Variants in AOAH observed in about 807,000 individuals in gnomAD.
The protein encoded by AOAH is acyloxyacyl hydrolase (neutrophil).
A neutral mutation model predicts 92.2 loss-of-function variants in AOAH; 64 were observed. The ratio of observed to expected loss-of-function variants is 0.69; its 90% confidence interval spans 0.57 to 0.86. The LOEUF is 0.86. Among genes scored for constraint, AOAH ranks in the 40% least tolerant of loss-of-function variants. The pLI is 0.00. For synonymous variants in AOAH, 263 were observed against 254.5 expected (o/e 1.03, Z -0.32); for missense variants, 656 against 694.6 (o/e 0.94, Z 0.62).
At chr7:36,598,576 T>C (rs1790309725) in intron 11 of AOAH, among the ~76,000 whole-genome samples, 1 of 152,208 alleles carries the variant, frequency 6.6e-6, no homozygotes, top group South Asian at 2.1e-4. Context: ...ATGTGAAGCA[T>C]CATGTTTAGG....
intron 4 of AOAH, among the ~76,000 whole-genome samples, chr7:36,657,731 C>G (rs533567380): frequency 6.6e-6 from 1 of 152,210 alleles, no homozygotes; most frequent in African/African-American, 2.4e-5. Context: ...CCCTTGCAGC[C>G]AGAGGCAGTC....
At chr7:36,558,248 C>T (rs564693734) in intron 13 of AOAH, among the ~76,000 whole-genome samples, 9 of 152,268 alleles carry the variant, frequency 5.9e-5, no homozygotes, top group Non-Finnish European at 1.2e-4. Context: ...GCTAGAAGTC[C>T]ACTCCAGACC....
intron 20 of AOAH, among the ~76,000 whole-genome samples, chr7:36,515,399 C>G (rs1188365739): frequency 7.6e-6 from 1 of 131,124 alleles, no homozygotes; most frequent in African/African-American, 2.9e-5. Context: ...AACCCCACAC[C>G]ACACACACAA....
At chr7:36,546,735 C>A (rs1201841660) in intron 15 of AOAH, among the ~76,000 whole-genome samples, 2 of 152,200 alleles carry the variant, frequency 1.3e-5, no homozygotes, top group Non-Finnish European at 2.9e-5. Flanking sequence ...GGAGGACATG[C>A]TCTGGGGGCT....
chr7:36,610,955 C>A (rs377030682), intron 11 of AOAH, among the ~76,000 whole-genome samples: 1 of 152,336 alleles, frequency 6.6e-6, no homozygotes, highest in African/African-American at 2.4e-5. Flanking sequence ...CAGCTGATCC[C>A]AGACCACCCC....
intron 1 of AOAH, among the ~76,000 whole-genome samples, chr7:36,699,739 G>C (rs1797923758): frequency 1.4e-5 from 2 of 147,910 alleles, no homozygotes; most frequent in Admixed American, 1.4e-4. Flanking sequence ...CTCCCATTCT[G>C]TGGGTTATGG....
In AOAH at chr7:36,699,017, A is replaced by AT. The variant is rs70977180; in HGVS notation, c.128-12224dup. On this transcript the variant is annotated intron_variant, in intron 1 of 20. Transcript: ENST00000617537. ...CTACTACTCTATCTTTATGAGATCC[A>AT]TTTTTTTTTATCCCACATGTATGAG... is the stretch of plus-strand genomic sequence containing the variant. 1.1e-3 allele frequency among the ~76,000 whole-genome samples: 161 copies of AT among 150,500 alleles called. 1 individual carries two copies. Among genetic ancestry groups the AT allele is most frequent in the East Asian group, 2.0e-3 (10 of 5,122 alleles).
At chr7:36,563,008 G>A (rs963510282) in intron 13 of AOAH, among the ~76,000 whole-genome samples, 3 of 151,654 alleles carry the variant, frequency 2.0e-5, no homozygotes, top group Non-Finnish European at 2.9e-5. Context: ...TTAGCCAGGC[G>A]TGGTGGCAGG....
At chr7:36,620,859 G>A in intron 8 of AOAH, 30 bp from the exon 9 acceptor site, 1 of 1,607,132 alleles carries the variant, frequency 6.2e-7, no homozygotes, top group Non-Finnish European at 8.5e-7. Flanking sequence ...ATTGGTCTTT[G>A]ACATATGCTT....
intron 13 of AOAH, among the ~76,000 whole-genome samples, chr7:36,559,972 T>C (rs531834100): frequency 7.2e-4 from 110 of 152,312 alleles, no homozygotes; most frequent in African/African-American, 2.6e-3. Flanking sequence ...TATCCCCACA[T>C]CATTTATTGA....
rs1792224640 is a variant in AOAH at position 36,620,823 on chromosome 7, G to A, written c.660C>T (p.Asn220=). The change falls in exon 9 of 21, where the codon AAC becomes AAT. Residue 220 remains asparagine, a synonymous_variant. Coordinates refer to ENST00000617537, the MANE Select transcript of AOAH (RefSeq NM_001637.4). The part of the protein sequence containing the change: ...DESVYPGRRP[N]NWDVHQDSNC... ...TTGAATCCTGATGGACATCCCAGTT[G>A]TTCGGCCTAAGAAAAAAACATTAAC... The A allele has an allele frequency of 6.2e-7, 1 of 1,613,832 alleles. No homozygotes were observed. The highest frequency in any genetic ancestry group is 8.5e-7 in the Non-Finnish European group (1 of 1,179,884).
At chr7:36,609,557 T>C (rs994383495) in intron 11 of AOAH, among the ~76,000 whole-genome samples, 15 of 152,246 alleles carry the variant, frequency 9.9e-5, no homozygotes, top group African/African-American at 3.1e-4. Flanking sequence ...TTTCAAGCCT[T>C]TGCACGTACT....
rs1420883750 is a variant in AOAH, at chr7:36,532,145, A to G, written c.1425+2T>C. 2 of 1,614,140 alleles carry G rather than the reference A, an allele frequency of 1.2e-6. No individual in the cohort carries two copies. The highest frequency in any genetic ancestry group is 1.7e-5 in the Admixed American group (1 of 60,016). The stretch of plus-strand genomic sequence containing the variant: ...GTATCAAAAGGCCTGTGACAGTCAT[A>G]CCTCTGAAGTGAGAGTCCGCAACGT... On this transcript the variant is annotated splice_donor_variant, in intron 18 of 20. Coordinates refer to ENST00000617537, the MANE Select transcript of AOAH (RefSeq NM_001637.4). LOFTEE classifies it high-confidence loss of function.
chr7:36,517,182 C>G lies in AOAH; in HGVS notation c.1600-3802G>C, dbSNP rs577516790. On this transcript the variant is annotated intron_variant, in intron 20 of 20. Transcript: ENST00000617537. Reference sequence around the variant, plus strand: ...TCTTTCTTTCTTTCTTTCTTTCTTTCTTTCTTTCTTTCTTTCTTTCTTTCT... The same window carrying G: ...TCTTTCTTTCTTTCTTTCTTTCTTTGTTTCTTTCTTTCTTTCTTTCTTTCT... 4.4e-3 allele frequency among the ~76,000 whole-genome samples: 263 copies of G among 59,242 alleles called. 2 individuals are homozygous for G. Among genetic ancestry groups the G allele is most frequent in the Admixed American group, 8.3e-3 (37 of 4,438 alleles). The allele number at this position is 59,242 out of a possible 152,430, so 38.9% of individuals were successfully genotyped here.
At chr7:36,691,437 C>T (rs1168484304) in intron 1 of AOAH, among the ~76,000 whole-genome samples, 1 of 152,208 alleles carries the variant, frequency 6.6e-6, no homozygotes, top group African/African-American at 2.4e-5. Flanking sequence ...CGGTGTGAAT[C>T]TCATTGCACC....
chr7:36,638,866 A>G (rs1236755819), intron 4 of AOAH, among the ~76,000 whole-genome samples: 1 of 152,176 alleles, frequency 6.6e-6, no homozygotes, highest in East Asian at 1.9e-4. Context: ...TAAAATATTG[A>G]AAGACTACTG....
chr7:36,634,524 C>T (rs1793377233), intron 5 of AOAH, among the ~76,000 whole-genome samples: 1 of 152,166 alleles, frequency 6.6e-6, no homozygotes, highest in Non-Finnish European at 1.5e-5. Context: ...ATTGCTCACT[C>T]GGGGAGCTCG....
intron 13 of AOAH, among the ~76,000 whole-genome samples, chr7:36,558,653 G>T (rs1252472875): frequency 1.3e-5 from 2 of 152,260 alleles, no homozygotes; most frequent in African/African-American, 2.4e-5. Context: ...CAGCTGCTTT[G>T]TTTACCTAAG....
chr7:36,678,581 G>GC (rs1796414376), intron 2 of AOAH, among the ~76,000 whole-genome samples: 1 of 126,050 alleles, frequency 7.9e-6, no homozygotes, highest in Non-Finnish European at 1.6e-5. Flanking sequence ...GTGTGTGTGT[G>GC]TGTGTGTGTG....
Sources: allele counts gnomAD v4.1 joint callset (sites outside exome capture counted in the v4.1 genomes callset), GRCh38; gene constraint gnomAD v4.1.1; transcripts MANE v1.5; gene names NCBI Gene and HGNC (gene_info 2026-07-23, HGNC 2026-07-21).